MAGI2: variants seen among roughly 807,000 people sequenced by gnomAD.
MAGI2 encodes the protein membrane-associated guanylate kinase, WW and PDZ domain-containing protein 2.
In MAGI2, 35 loss-of-function variants were observed where a neutral mutation model predicts 133.3. The ratio of observed to expected loss-of-function variants is 0.26; its 90% confidence interval spans 0.20 to 0.35. The LOEUF (loss-of-function observed/expected upper bound fraction) is 0.35. Among genes scored for constraint, MAGI2 ranks in the 10% least tolerant of loss-of-function variants. MAGI2 has a pLI of 1.00. For missense variants in MAGI2, 1,636 were observed against 1,863.4 expected, an observed-to-expected ratio of 0.88 and a Z score of 2.25; for synonymous variants, 729 against 710.6, an observed-to-expected ratio of 1.03 and a Z score of -0.41.
chr7:79,294,721 C>CT (rs1161010284), intron 1 of MAGI2, among the ~76,000 whole-genome samples: 1,187 of 83,176 alleles, frequency 0.014, 197 homozygotes, highest in South Asian at 0.062. Flanking sequence ...ATTTTGGTAG[C>CT]TTTTTTTTTT....
chr7:78,127,483 G>A (rs73364760), intron 18 of MAGI2, 67 bp from the exon 19 acceptor site: 5 of 1,231,956 alleles, frequency 4.1e-6, no homozygotes, highest in South Asian at 1.2e-5. Context: ...GTGATCACAC[G>A]GCCTCCAGAG....
intron 8 of MAGI2, chr7:78,345,422 C>G (rs1301768246): frequency 6.5e-6 from 1 of 152,812 alleles, no homozygotes; most frequent in African/African-American, 2.4e-5. Context: ...AGTCAGGTCC[C>G]GCAAGCAGCC....
chr7:78,718,014 T>G (rs895409573), intron 2 of MAGI2, among the ~76,000 whole-genome samples: 3 of 152,178 alleles, frequency 2.0e-5, no homozygotes, highest in Non-Finnish European at 4.4e-5. Flanking sequence ...TCATTCTGCA[T>G]TTTTTTCACT....
At chr7:78,899,479 A>G (rs1584328228) in intron 2 of MAGI2, among the ~76,000 whole-genome samples, 1 of 152,306 alleles carries the variant, frequency 6.6e-6, no homozygotes, top group East Asian at 1.9e-4. Flanking sequence ...TTAAAATCCT[A>G]CCTTGGCTAT....
intron 21 of MAGI2, among the ~76,000 whole-genome samples, chr7:78,034,110 TCTA>T (rs1809902596): frequency 6.6e-6 from 1 of 152,192 alleles, no homozygotes; most frequent in Non-Finnish European, 1.5e-5. Flanking sequence ...GTGAAGAAAT[TCTA>T]CTAATTTTGT....
intron 1 of MAGI2, among the ~76,000 whole-genome samples, chr7:79,030,741 C>A (rs10272308): frequency 6.6e-6 from 1 of 152,060 alleles, no homozygotes. Context: ...AGGAGATACT[C>A]TGAAAATCAA....
At chr7:79,291,733 G>A (rs1314178150) in intron 1 of MAGI2, among the ~76,000 whole-genome samples, 4 of 151,922 alleles carry the variant, frequency 2.6e-5, no homozygotes, top group African/African-American at 9.7e-5. Context: ...GACTATTCAG[G>A]CCAATTTACC....
chr7:78,369,785 T>C (rs1161868481), intron 6 of MAGI2, among the ~76,000 whole-genome samples: 1 of 152,024 alleles, frequency 6.6e-6, no homozygotes, highest in Non-Finnish European at 1.5e-5. Context: ...GTGAACATGC[T>C]TTCCTTGATA....
chr7:78,079,153 A>C, intron 20 of MAGI2, 68 bp from the exon 21 acceptor site: 1 of 1,476,546 alleles, frequency 6.8e-7, no homozygotes, highest in East Asian at 2.3e-5. Flanking sequence ...CAACAGATTA[A>C]AAAAAAAGCA....
chr7:78,369,656 A>T (rs1055885974), intron 6 of MAGI2, among the ~76,000 whole-genome samples: 6 of 152,234 alleles, frequency 3.9e-5, no homozygotes, highest in Admixed American at 6.5e-5. Flanking sequence ...AGACATTATA[A>T]ATTCTCAATT....
At chr7:78,284,078 TTG>T (rs57939928) in intron 9 of MAGI2, among the ~76,000 whole-genome samples, 28,392 of 151,964 alleles carry the variant, frequency 0.19, 3,134 homozygotes, top group South Asian at 0.31. Flanking sequence ...TAAATTAAAA[TTG>T]TGTCTAAAAC....
chr7:78,817,427 A>G (rs1789683898), intron 2 of MAGI2, among the ~76,000 whole-genome samples: 1 of 152,144 alleles, frequency 6.6e-6, no homozygotes, highest in Non-Finnish European at 1.5e-5. Context: ...AAACAGCATC[A>G]CATGCTAGAG....
At chr7:78,573,036 T>C (rs1164202951) in intron 3 of MAGI2, among the ~76,000 whole-genome samples, 389 of 7,884 alleles carry the variant, frequency 0.049, 10 homozygotes, top group African/African-American at 0.25. Flanking sequence ...CATATGTATG[T>C]ATATATATAT....
At chr7:79,231,867 G>T (rs1022828819) in intron 1 of MAGI2, among the ~76,000 whole-genome samples, 21 of 151,742 alleles carry the variant, frequency 1.4e-4, no homozygotes, top group Admixed American at 1.3e-3. Context: ...TCCCTGTCTT[G>T]TGCCAGTTTT....
intron 2 of MAGI2, among the ~76,000 whole-genome samples, chr7:78,905,349 G>C (rs552296903): frequency 3.9e-5 from 6 of 152,252 alleles, no homozygotes; most frequent in African/African-American, 1.4e-4. Flanking sequence ...CCAAGGTTAG[G>C]AGCAACTTAA....
At chr7:78,886,327 G>A (rs1190911317) in intron 2 of MAGI2, among the ~76,000 whole-genome samples, 22 of 152,198 alleles carry the variant, frequency 1.4e-4, no homozygotes, top group Admixed American at 1.4e-3. Context: ...TTTAACCTGG[G>A]CTGCATTAAT....
intron 16 of MAGI2, among the ~76,000 whole-genome samples, chr7:78,150,868 A>C (rs1349033088): frequency 6.6e-6 from 1 of 152,076 alleles, no homozygotes; most frequent in African/African-American, 2.4e-5. Flanking sequence ...TTTTTGATAG[A>C]TTGTATTGCT....
intron 3 of MAGI2, among the ~76,000 whole-genome samples, chr7:78,612,143 A>G (rs1412011854): frequency 6.6e-6 from 1 of 152,076 alleles, no homozygotes; most frequent in Non-Finnish European, 1.5e-5. Flanking sequence ...TTTTTTCAGT[A>G]ATAGAAGAGT....
intron 6 of MAGI2, among the ~76,000 whole-genome samples, chr7:78,464,302 A>C (rs1790388413): frequency 6.6e-6 from 1 of 152,078 alleles, no homozygotes; most frequent in Admixed American, 6.6e-5. Flanking sequence ...ATGCCTGCCA[A>C]ATTTACTAAT....
Sources: gnomAD v4.1 joint callset for allele counts (sites outside exome capture counted in the v4.1 genomes callset) on GRCh38, gnomAD v4.1.1 for gene constraint, MANE v1.5 for transcripts, NCBI Gene and HGNC (gene_info 2026-07-23, HGNC 2026-07-21) for gene names.